Variants in NHLRC2 observed in about 807,000 individuals in gnomAD.
NHLRC2 encodes NHL repeat containing 2.
In NHLRC2, 33 loss-of-function variants were observed where a neutral mutation model predicts 68.1. The observed-to-expected ratio is 0.48, with a 90% CI of 0.37 to 0.65. The LOEUF is 0.65. Among genes scored for constraint, NHLRC2 ranks in the 30% least tolerant of loss-of-function variants. The probability of loss-of-function intolerance (pLI) is 0.00; values close to 1 mark genes in which losing one functional copy is unlikely to be tolerated. For synonymous variants in NHLRC2, 311 were observed against 309.6 expected, an observed-to-expected ratio of 1.00 and a Z score of -0.05; for missense variants, 761 against 853.8, an observed-to-expected ratio of 0.89 and a Z score of 1.35.
At chr10:113,865,126 T>G (rs1323535294) in intron 2 of NHLRC2, among the ~76,000 whole-genome samples, 1 of 151,968 alleles carries the variant, frequency 6.6e-6, no homozygotes, top group African/African-American at 2.4e-5. Flanking sequence ...ATTTTTTGTA[T>G]TTTTAGTAGA....
At chr10:113,897,374 T>C (rs1846186098) in intron 5 of NHLRC2, among the ~76,000 whole-genome samples, 1 of 152,232 alleles carries the variant, frequency 6.6e-6, no homozygotes, top group South Asian at 2.1e-4. Context: ...GGTTGTATTA[T>C]ACTTTTTACC....
At chr10:113,899,049 C>T (rs1175600154) in intron 6 of NHLRC2, among the ~76,000 whole-genome samples, 1 of 152,108 alleles carries the variant, frequency 6.6e-6, no homozygotes, top group Non-Finnish European at 1.5e-5. Context: ...CCATACTCTT[C>T]TCTGTGACCT....
chr10:113,854,836 G>T lies in NHLRC2; in HGVS notation c.-37G>T, dbSNP rs992247994. 3 of 1,517,966 alleles carry T rather than the reference G, an allele frequency of 2.0e-6. No individual in the cohort carries two copies. Among genetic ancestry groups the T allele is most frequent in the African/African-American group, 2.8e-5 (2 of 71,818 alleles). The allele number at this position is 1,517,966 out of a possible 1,614,324, so 94.0% of individuals were successfully genotyped here. On this transcript the variant is annotated 5_prime_UTR_variant, in exon 1 of 11. Coordinates refer to ENST00000369301, the MANE Select transcript of NHLRC2 (RefSeq NM_198514.4). Reference sequence around the variant, plus strand: ...TCGTCTCTCCCAGCGAGACTCTCCCGCGGGCCCGGCGGCCGCATCGGGAGC... The same window carrying T: ...TCGTCTCTCCCAGCGAGACTCTCCCTCGGGCCCGGCGGCCGCATCGGGAGC...
intron 1 of NHLRC2, 110 bp downstream of exon 1, chr10:113,855,160 G>A (rs773090695): frequency 1.0e-6 from 1 of 956,774 alleles, no homozygotes; most frequent in East Asian, 2.6e-5. Context: ...CTGGCGCCCC[G>A]GGGAGTGGCC....
At position 113,882,801 on chromosome 10, in the gene NHLRC2, T is replaced by A. The variant is rs948302672; in HGVS notation, c.910-1450T>A. ...ATAATTATTTACCCCTGTGTTTTATTCTAAAAGTCTTTTAGTTATGGCTCT... is the reference window on the plus strand; with the variant it reads ...ATAATTATTTACCCCTGTGTTTTATACTAAAAGTCTTTTAGTTATGGCTCT... On this transcript the variant is annotated intron_variant, in intron 4 of 10. Coordinates refer to ENST00000369301, the MANE Select transcript of NHLRC2 (RefSeq NM_198514.4). Among the ~76,000 whole-genome samples, 4 of 151,868 alleles carry A rather than the reference T, an allele frequency of 2.6e-5. No individual in the cohort carries two copies. The South Asian group carries it at 8.3e-4, about 31-fold the overall frequency.
intron 1 of NHLRC2, among the ~76,000 whole-genome samples, chr10:113,856,191 G>C (rs372241494): frequency 1.1e-4 from 16 of 152,326 alleles, no homozygotes; most frequent in African/African-American, 3.6e-4. Flanking sequence ...AAATGAAAAC[G>C]TATTTTACCT....
At chr10:113,859,348 TATC>T (rs1845794131) in intron 2 of NHLRC2, among the ~76,000 whole-genome samples, 1 of 152,118 alleles carries the variant, frequency 6.6e-6, no homozygotes, top group Non-Finnish European at 1.5e-5. Context: ...TAATTAAAAG[TATC>T]ATTTAATTAG....
chr10:113,879,819 T>C, intron 4 of NHLRC2, 124 bp downstream of exon 4: 2 of 593,010 alleles, frequency 3.4e-6, no homozygotes, highest in Non-Finnish European at 5.6e-6. Context: ...TCTGCTTTTC[T>C]TGAGGTACGT....
intron 5 of NHLRC2, among the ~76,000 whole-genome samples, chr10:113,889,978 A>G (rs1846117197): frequency 6.6e-6 from 1 of 152,258 alleles, no homozygotes; most frequent in South Asian, 2.1e-4. Flanking sequence ...CAGTGGCTAT[A>G]GAAAACCTCC....
At chr10:113,875,376 T>C (rs956343976) in intron 2 of NHLRC2, among the ~76,000 whole-genome samples, 4 of 152,134 alleles carry the variant, frequency 2.6e-5, no homozygotes, top group Admixed American at 2.0e-4. Flanking sequence ...CTTCTGAGTG[T>C]TCATACTCAG....
Position 113,914,086 on chromosome 10 carries a change from T to C in NHLRC2, c.*5550T>C, listed in dbSNP as rs1050538864. ...GGTTGGTCTCGAACTCCTGACCTCA[T>C]GTGATGCGCCTGCCTTGGCCTCCCA... On this transcript the variant is annotated 3_prime_UTR_variant, in exon 11 of 11. Transcript: ENST00000369301. 1.3e-5 allele frequency: 2 copies of C among 151,624 alleles called. No homozygotes were observed. The highest frequency in any genetic ancestry group is 4.9e-5 in the African/African-American group (2 of 41,212). 9.4% of individuals were successfully genotyped at this position (151,624 alleles called of 1,614,324 possible). A position where few individuals can be genotyped will look rare whatever the true frequency, so the allele number is the denominator to read the frequency against.
At chr10:113,868,361 A>G (rs1845889467) in intron 2 of NHLRC2, among the ~76,000 whole-genome samples, 1 of 152,182 alleles carries the variant, frequency 6.6e-6, no homozygotes. Context: ...AGGATTCATA[A>G]AGGGCAGAAT....
At chr10:113,893,830 A>C (rs73347506) in intron 5 of NHLRC2, among the ~76,000 whole-genome samples, 2 of 152,212 alleles carry the variant, frequency 1.3e-5, no homozygotes, top group Non-Finnish European at 2.9e-5. Context: ...TCCTTTGCCA[A>C]GACAGAGGCT....
chr10:113,906,841 A>C (rs1309791211), intron 10 of NHLRC2, among the ~76,000 whole-genome samples: 1 of 152,170 alleles, frequency 6.6e-6, no homozygotes, highest in Non-Finnish European at 1.5e-5. Context: ...ACAAAAAATT[A>C]GCCGAGTGTG....
chr10:113,863,778 G>A (rs1007252569), intron 2 of NHLRC2, among the ~76,000 whole-genome samples: 1 of 152,164 alleles, frequency 6.6e-6, no homozygotes, highest in South Asian at 2.1e-4. Flanking sequence ...GAATGAAAAT[G>A]GGAACATTAC....
In NHLRC2 at chr10:113,914,450, G is replaced by A. The variant is rs894896896; in HGVS notation, c.*5914G>A. On this transcript the variant is annotated 3_prime_UTR_variant, in exon 11 of 11. Coordinates refer to ENST00000369301, the MANE Select transcript of NHLRC2 (RefSeq NM_198514.4). Reference sequence around the variant, plus strand: ...TCCAAAGTGCTGGGATTACAGGCGTGAGCCGCTGCGCCCAGCGCACTAAAT... The same window carrying A: ...TCCAAAGTGCTGGGATTACAGGCGTAAGCCGCTGCGCCCAGCGCACTAAAT... 2 of 154,846 alleles carry A rather than the reference G, an allele frequency of 1.3e-5. No individual in the cohort carries two copies. The highest frequency in any genetic ancestry group is 4.8e-5 in the African/African-American group (2 of 41,608). 9.6% of individuals were successfully genotyped at this position (154,846 alleles called of 1,614,324 possible). A position where few individuals can be genotyped will look rare whatever the true frequency, so the allele number is the denominator to read the frequency against.
chr10:113,863,896 A>G (rs930273626), intron 2 of NHLRC2, among the ~76,000 whole-genome samples: 1 of 152,224 alleles, frequency 6.6e-6, no homozygotes, highest in Non-Finnish European at 1.5e-5. Context: ...AACAAAACCT[A>G]CTAAGACTAA....
chr10:113,905,660 C>T (rs181495011), intron 10 of NHLRC2, among the ~76,000 whole-genome samples: 1 of 152,112 alleles, frequency 6.6e-6, no homozygotes, highest in Non-Finnish European at 1.5e-5. Flanking sequence ...CTCCCACGCT[C>T]TTTCACACTT....
chr10:113,854,866 C>T lies in NHLRC2; in HGVS notation c.-7C>T, dbSNP rs1195130821. The T allele has an allele frequency of 1.6e-5, 25 of 1,538,984 alleles. No homozygotes were observed. Among genetic ancestry groups the T allele is most frequent in the Admixed American group, 2.1e-5 (1 of 48,176 alleles). On this transcript the variant is annotated 5_prime_UTR_variant, in exon 1 of 11. Coordinates refer to ENST00000369301, the MANE Select transcript of NHLRC2 (RefSeq NM_198514.4). ...CCCGGCGGCCGCATCGGGAGCCCGG[C>T]GGAAACATGGCGGCGCCCGGAGGCC...
Sources: allele counts gnomAD v4.1 joint callset (sites outside exome capture counted in the v4.1 genomes callset), GRCh38; gene constraint gnomAD v4.1.1; transcripts MANE v1.5; gene names NCBI Gene and HGNC (gene_info 2026-07-23, HGNC 2026-07-21).